Variants in LASP1 observed in about 807,000 individuals in gnomAD.
LASP1 encodes the protein LIM and SH3 domain protein 1.
A neutral mutation model predicts 38.6 loss-of-function variants in LASP1; 10 were observed. The observed-to-expected ratio is 0.26, with a 90% CI of 0.16 to 0.44. The LOEUF (loss-of-function observed/expected upper bound fraction) is 0.44. LASP1 is among the 20% of genes least tolerant of loss of function. The probability of loss-of-function intolerance (pLI) is 1.00; values close to 1 mark genes in which losing one functional copy is unlikely to be tolerated. For synonymous variants in LASP1, 132 were observed against 140.8 expected (o/e 0.94, Z 0.44); for missense variants, 243 against 375.7 (o/e 0.65, Z 2.92).
chr17:38,906,345 T>G (rs1250977108), intron 4 of LASP1, among the ~76,000 whole-genome samples: 1 of 151,822 alleles, frequency 6.6e-6, no homozygotes, highest in Non-Finnish European at 1.5e-5. Context: ...CTGACCAACA[T>G]GGCAAACCCC....
chr17:38,910,567 A>G (rs778653184), intron 4 of LASP1, among the ~76,000 whole-genome samples: 7 of 151,150 alleles, frequency 4.6e-5, no homozygotes, highest in Non-Finnish European at 8.8e-5. Flanking sequence ...GCTCTAGACC[A>G]CCCGTTCTCA....
At chr17:38,891,936 A>G (rs957089930) in intron 3 of LASP1, among the ~76,000 whole-genome samples, 2 of 152,024 alleles carry the variant, frequency 1.3e-5, no homozygotes, top group African/African-American at 2.4e-5. Context: ...CCCTAAAAAA[A>G]AAAACGAGCA....
At chr17:38,915,175 C>T in intron 6 of LASP1, 29 bp downstream of exon 6, 1 of 1,587,606 alleles carries the variant, frequency 6.3e-7, no homozygotes, top group Non-Finnish European at 8.6e-7. Context: ...AGGGGAGAGG[C>T]CAGAGGCAGG....
In LASP1 at chr17:38,898,821, G is replaced by A. The variant is rs562848411; in HGVS notation, c.357+302G>A. The A allele has an allele frequency of 2.9e-4, 141 of 489,438 alleles. 2 individuals carry two copies. Among genetic ancestry groups the A allele is most frequent in the South Asian group, 2.0e-3 (132 of 64,412 alleles). 30.3% of individuals were successfully genotyped at this position (489,438 alleles called of 1,614,324 possible). ...CTTTTTTCTGGATATCGTGGGTATC[G>A]GTGAAGACTGCATGTCTCATCTTAG... On this transcript the variant is annotated intron_variant, in intron 4 of 6. Transcript: ENST00000318008.
rs113806059 is a variant in LASP1, at chr17:38,891,832, C to T, written c.249+1328C>T. 5.9e-5 allele frequency among the ~76,000 whole-genome samples: 9 copies of T among 152,246 alleles called. 1 individual carries two copies. The highest frequency in any genetic ancestry group is 3.9e-4 in the Admixed American group (6 of 15,294). The stretch of plus-strand genomic sequence containing the variant: ...GTTTAGGGCTGGGAGCCATGGCTCA[C>T]GCCTGTAATCCCTGTGCTCTGGGAG... On this transcript the variant is annotated intron_variant, in intron 3 of 6. Coordinates refer to ENST00000318008, the MANE Select transcript of LASP1 (RefSeq NM_006148.4).
chr17:38,882,476 G>A (rs1913983253), intron 2 of LASP1, among the ~76,000 whole-genome samples: 1 of 152,144 alleles, frequency 6.6e-6, no homozygotes, highest in African/African-American at 2.4e-5. Context: ...TGGAACTCTT[G>A]ACCTCAGGTG....
rs547870741 is a variant in LASP1 at position 38,918,844 on chromosome 17, G to A, written c.*66G>A. The A allele has an allele frequency of 3.3e-5, 51 of 1,545,386 alleles. 1 individual carries two copies. In the South Asian group the frequency reaches 4.4e-4, roughly 13 times the overall value. On this transcript the variant is annotated 3_prime_UTR_variant, in exon 7 of 7. Transcript: ENST00000318008. This position sits in a 1 kb window ranked among gnomAD's most constrained non-coding sequence, Gnocchi z 4.4. ...ATCGCATCCGTCCTGGGCGTGACCC[G>A]TCCATTCTTCAGTGTCTCTGTTTTT... is the stretch of plus-strand genomic sequence containing the variant.
At chr17:38,895,074 G>A (rs558930980) in intron 3 of LASP1, among the ~76,000 whole-genome samples, 3 of 152,140 alleles carry the variant, frequency 2.0e-5, no homozygotes, top group South Asian at 2.1e-4. Context: ...TTTGTTAGAA[G>A]GGGATGGGTT....
In LASP1 at chr17:38,870,075, A is replaced by G; in HGVS notation, c.-115A>G. ...AGGCGGAGGCCAGTTCCCCAGCTCCAGCCGCCGTCGCTGCTGCCTGTGTAG... is the reference window on the plus strand; with the variant it reads ...AGGCGGAGGCCAGTTCCCCAGCTCCGGCCGCCGTCGCTGCTGCCTGTGTAG... On this transcript the variant is annotated 5_prime_UTR_variant, in exon 1 of 7. Transcript: ENST00000318008. The G allele has an allele frequency of 8.8e-7, 1 of 1,131,684 alleles. No homozygotes were observed. Among genetic ancestry groups the G allele is most frequent in the Non-Finnish European group, 1.3e-6 (1 of 771,400 alleles). The allele number at this position is 1,131,684 out of a possible 1,614,324, so 70.1% of individuals were successfully genotyped here. A position where few individuals can be genotyped will look rare whatever the true frequency, so the allele number is the denominator to read the frequency against.
chr17:38,894,674 T>C (rs1239465081), intron 3 of LASP1, among the ~76,000 whole-genome samples: 6 of 152,116 alleles, frequency 3.9e-5, no homozygotes. Context: ...CTTTTGACCA[T>C]GACTTCCAGC....
At chr17:38,890,328 C>T (rs557550331) in intron 2 of LASP1, 92 bp from the exon 3 acceptor site, 116 of 1,225,648 alleles carry the variant, frequency 9.5e-5, no homozygotes, top group East Asian at 3.0e-4. Context: ...AAGCATAGGA[C>T]GAAGTTCCCA....
intron 4 of LASP1, 139 bp from the exon 5 acceptor site, chr17:38,914,186 G>A: frequency 2.0e-6 from 2 of 981,298 alleles, no homozygotes; most frequent in Non-Finnish European, 3.0e-6. Flanking sequence ...ACACACAGCT[G>A]GTGCTTCCAG....
intron 1 of LASP1, among the ~76,000 whole-genome samples, chr17:38,872,176 G>C (rs1423929765): frequency 6.6e-6 from 1 of 152,176 alleles, no homozygotes; most frequent in Non-Finnish European, 1.5e-5. Context: ...TGTCAGATGG[G>C]TATGATGATG....
In LASP1 at chr17:38,921,375, C is replaced by T. The variant is rs1915293819; in HGVS notation, c.*2597C>T. On this transcript the variant is annotated 3_prime_UTR_variant, in exon 7 of 7. Coordinates refer to ENST00000318008, the MANE Select transcript of LASP1 (RefSeq NM_006148.4). ...TCCCAGCACTGCCTCCTGTTTTCTC[C>T]CTCTCATGTCCCTCCAGGGAAAATG... 1 of 232,736 alleles carries T rather than the reference C, an allele frequency of 4.3e-6. No homozygotes were observed. The highest frequency in any genetic ancestry group is 6.1e-5 in the East Asian group (1 of 16,444). 14.4% of individuals were successfully genotyped at this position (232,736 alleles called of 1,614,324 possible). A position where few individuals can be genotyped will look rare whatever the true frequency, so the allele number is the denominator to read the frequency against.
At chr17:38,879,909 G>C (rs1465908780) in intron 2 of LASP1, among the ~76,000 whole-genome samples, 2 of 152,148 alleles carry the variant, frequency 1.3e-5, no homozygotes, top group Admixed American at 6.6e-5. Flanking sequence ...GAGGGCACTG[G>C]GCAGGTTATC....
chr17:38,901,636 A>G (rs2143797421), intron 4 of LASP1, among the ~76,000 whole-genome samples: 1 of 152,280 alleles, frequency 6.6e-6, no homozygotes, highest in South Asian at 2.1e-4. Flanking sequence ...TGTTAGACAC[A>G]TTCCCTGGGT....
Position 38,888,479 on chromosome 17 carries a change from T to C in LASP1, c.165-1941T>C, listed in dbSNP as rs112442267. On this transcript the variant is annotated intron_variant, in intron 2 of 6. Transcript: ENST00000318008. ...TTTTAATAGAAACAGGATTTCGCCATGTTAGCCAGGCTGGTCTCGAACTCC... is the reference window on the plus strand; with the variant it reads ...TTTTAATAGAAACAGGATTTCGCCACGTTAGCCAGGCTGGTCTCGAACTCC... Among the ~76,000 whole-genome samples, 753 of 152,272 alleles carry C rather than the reference T, an allele frequency of 4.9e-3. 8 individuals are homozygous for C. The highest frequency in any genetic ancestry group is 0.015 in the African/African-American group (615 of 41,558).
chr17:38,875,490 C>T (rs918221581), intron 1 of LASP1, among the ~76,000 whole-genome samples: 18 of 152,096 alleles, frequency 1.2e-4, no homozygotes, highest in Non-Finnish European at 2.6e-4. Flanking sequence ...CCCTGGGTCA[C>T]TGGGATAGGC....
At chr17:38,883,736 AG>A (rs1423077930) in intron 2 of LASP1, among the ~76,000 whole-genome samples, 1 of 127,088 alleles carries the variant, frequency 7.9e-6, no homozygotes, top group Non-Finnish European at 1.6e-5. Flanking sequence ...CGACAGGGGC[AG>A]GCTTTTTTTT....
Sources: gnomAD v4.1 joint callset for allele counts (sites outside exome capture counted in the v4.1 genomes callset) on GRCh38, gnomAD v4.1.1 for gene constraint, Gnocchi (gnomAD v3.1) non-coding constraint, MANE v1.5 for transcripts, NCBI Gene and HGNC (gene_info 2026-07-23, HGNC 2026-07-21) for gene names.